Variants in AXDND1 observed in about 807,000 individuals in gnomAD.
AXDND1 encodes the protein axonemal dynein light chain domain-containing protein 1.
In AXDND1, 110 loss-of-function variants were observed where a neutral mutation model predicts 137.5. The observed-to-expected ratio is 0.80, with a 90% CI of 0.69 to 0.94. The LOEUF (loss-of-function observed/expected upper bound fraction) is 0.94, where lower values mean the gene tolerates loss of function less well. Ranked by LOEUF, AXDND1 falls within the 40% of genes least tolerant of loss-of-function variation. The probability of loss-of-function intolerance (pLI) is 0.00; values close to 1 mark genes in which losing one functional copy is unlikely to be tolerated. For synonymous variants in AXDND1, 414 were observed against 399.7 expected (o/e 1.04, Z -0.43); for missense variants, 1,191 against 1,169.8 (o/e 1.02, Z -0.26).
At chr1:179,516,736 G>GC (rs2125661054) in intron 21 of AXDND1, among the ~76,000 whole-genome samples, 1 of 152,246 alleles carries the variant, frequency 6.6e-6, no homozygotes, top group South Asian at 2.1e-4. Context: ...TCTTGGTCTA[G>GC]CCACCCAGCA....
At chr1:179,466,483 T>C (rs1663218637) in intron 16 of AXDND1, among the ~76,000 whole-genome samples, 1 of 152,000 alleles carries the variant, frequency 6.6e-6, no homozygotes, top group African/African-American at 2.4e-5. Flanking sequence ...TGTGTTAGTT[T>C]AACTTTCTGG....
chr1:179,405,320 A>G (rs1185400041), intron 11 of AXDND1, among the ~76,000 whole-genome samples: 2 of 152,156 alleles, frequency 1.3e-5, no homozygotes, highest in Non-Finnish European at 2.9e-5. Flanking sequence ...CCAGTCTATC[A>G]TTGATGGACA....
chr1:179,372,888 GGT>G, intron 4 of AXDND1, among the ~76,000 whole-genome samples: 1 of 152,140 alleles, frequency 6.6e-6, no homozygotes, highest in South Asian at 2.1e-4. Flanking sequence ...TCTCCATGTT[GGT>G]CAGGCTGGTC....
intron 14 of AXDND1, 140 bp from the exon 15 acceptor site, chr1:179,432,127 G>A (rs1449605932): frequency 3.7e-6 from 4 of 1,073,696 alleles, no homozygotes; most frequent in Non-Finnish European, 5.1e-6. Context: ...TACCTGTGGG[G>A]AGAGGGGCTG....
intron 9 of AXDND1, among the ~76,000 whole-genome samples, chr1:179,388,064 C>T (rs756775675): frequency 1.6e-4 from 24 of 152,160 alleles, no homozygotes; most frequent in Non-Finnish European, 4.4e-5. Flanking sequence ...CCTGGATTCC[C>T]TCTCAGTGTG....
At chr1:179,398,869 G>A (rs1651489574) in intron 11 of AXDND1, among the ~76,000 whole-genome samples, 1 of 151,778 alleles carries the variant, frequency 6.6e-6, no homozygotes, top group Non-Finnish European at 1.5e-5. Flanking sequence ...TGTGGCAGGG[G>A]TTGGGGGGAG....
At chr1:179,551,107 G>A (rs1200961227) in intron 25 of AXDND1, 3 of 1,597,050 alleles carry the variant, frequency 1.9e-6, no homozygotes, top group African/African-American at 2.7e-5. Flanking sequence ...AGGACAGAGT[G>A]TCTCCCTCAG....
intron 16 of AXDND1, chr1:179,456,537 C>G (rs1661430449): frequency 1.3e-6 from 1 of 777,516 alleles, no homozygotes; most frequent in African/African-American, 1.7e-5. Flanking sequence ...TCCAACACTT[C>G]CATAGCCTCT....
chr1:179,441,869 A>G (rs10798678), intron 15 of AXDND1, among the ~76,000 whole-genome samples: 132,886 of 152,276 alleles, frequency 0.87, 58,099 homozygotes, highest in East Asian at 0.9. Flanking sequence ...TTTAAATTCC[A>G]TATCAGATAT....
chr1:179,530,997 A>G (rs1467778007), intron 23 of AXDND1, among the ~76,000 whole-genome samples: 1 of 152,214 alleles, frequency 6.6e-6, no homozygotes, highest in Admixed American at 6.5e-5. Context: ...ACTCAAATCG[A>G]TCTTCTTGAA....
chr1:179,425,223 C>T (rs956513761), intron 12 of AXDND1, among the ~76,000 whole-genome samples: 1 of 152,204 alleles, frequency 6.6e-6, no homozygotes, highest in Non-Finnish European at 1.5e-5. Flanking sequence ...CTTTTCAGCA[C>T]TACATGGTGC....
chr1:179,366,735 TTAAA>T, intron 2 of AXDND1, 129 bp downstream of exon 2: 2 of 728,562 alleles, frequency 2.7e-6, no homozygotes, highest in East Asian at 2.8e-5. Flanking sequence ...ACACACTTGC[TTAAA>T]TAAAGCAAGA....
intron 16 of AXDND1, among the ~76,000 whole-genome samples, chr1:179,466,388 G>C (rs1472238881): frequency 1.4e-5 from 2 of 147,134 alleles, no homozygotes; most frequent in African/African-American, 2.5e-5. Context: ...ACCTCTCAAA[G>C]TGCTGGGATT....
chr1:179,521,341 A>G (rs1334380509), intron 21 of AXDND1, among the ~76,000 whole-genome samples: 5 of 152,044 alleles, frequency 3.3e-5, no homozygotes, highest in African/African-American at 1.2e-4. Context: ...TACTGTTTTT[A>G]GTAGTTTTTC....
At chr1:179,378,131 A>G (rs1208871120) in intron 4 of AXDND1, among the ~76,000 whole-genome samples, 3 of 152,166 alleles carry the variant, frequency 2.0e-5, no homozygotes, top group Admixed American at 6.6e-5. Flanking sequence ...ATTTTGCGCC[A>G]TTGCACTCCA....
intron 20 of AXDND1, among the ~76,000 whole-genome samples, chr1:179,499,881 G>A (rs12022784): frequency 0.13 from 19,180 of 151,992 alleles, 1,412 homozygotes; most frequent in African/African-American, 0.16. Context: ...GAAGACTTGC[G>A]AATAAATTAA....
chr1:179,419,286 G>C (rs1460680948), intron 12 of AXDND1, among the ~76,000 whole-genome samples: 2 of 151,970 alleles, frequency 1.3e-5, no homozygotes, highest in Non-Finnish European at 2.9e-5. Flanking sequence ...TGGTTGTAGC[G>C]AGCCAAGATC....
At chr1:179,526,660 AG>A (rs1670559571) in intron 22 of AXDND1, among the ~76,000 whole-genome samples, 1 of 152,244 alleles carries the variant, frequency 6.6e-6, no homozygotes, top group African/African-American at 2.4e-5. Context: ...CTCACTGCAC[AG>A]GCAGGACAAC....
chr1:179,527,201 G>A (rs1234470636), intron 22 of AXDND1, among the ~76,000 whole-genome samples: 1 of 152,152 alleles, frequency 6.6e-6, no homozygotes, highest in Non-Finnish European at 1.5e-5. Context: ...AGACCATATA[G>A]GGTAACTTCC....
Sources: gnomAD v4.1 joint callset for allele counts (sites outside exome capture counted in the v4.1 genomes callset) on GRCh38, gnomAD v4.1.1 for gene constraint, MANE v1.5 for transcripts, NCBI Gene and HGNC (gene_info 2026-07-23, HGNC 2026-07-21) for gene names.